Variants in KNL1 observed in about 807,000 individuals in gnomAD.
The protein encoded by KNL1 is kinetochore scaffold 1.
A neutral mutation model predicts 201.3 loss-of-function variants in KNL1; 66 were observed. The observed-to-expected ratio is 0.33, with a 90% CI of 0.27 to 0.40. The LOEUF (loss-of-function observed/expected upper bound fraction) is 0.40. Ranked by LOEUF, KNL1 falls within the 10% of genes least tolerant of loss-of-function variation. The pLI is 1.00. For synonymous variants in KNL1, 895 were observed against 899.2 expected (o/e 1.00, Z 0.08); for missense variants, 2,815 against 2,690.5 (o/e 1.05, Z -1.02).
At position 40,644,587 on chromosome 15, in the gene KNL1, C is replaced by T. The variant is rs548826216; in HGVS notation, c.5799-410C>T. 1.9e-3 allele frequency among the ~76,000 whole-genome samples: 297 copies of T among 152,328 alleles called. 3 individuals are homozygous for T. The highest frequency in any genetic ancestry group is 6.8e-4 in the Non-Finnish European group (46 of 68,024). ...CACGAGGCCATATTTCAGACTATCA[C>T]ATGGGGAGAAACCTTGGACAATACC... On this transcript the variant is annotated intron_variant, in intron 14 of 25. Transcript: ENST00000399668.
chr15:40,643,984 G>A lies in KNL1; in HGVS notation c.5799-1013G>A, dbSNP rs535978341. On this transcript the variant is annotated intron_variant, in intron 14 of 25. Transcript: ENST00000399668. ...GTGGCCTGCCCCTCCACACTTGTGG[G>A]TATTTCTAGTCGGATGGGACGAGAG... 6.0e-4 allele frequency among the ~76,000 whole-genome samples: 91 copies of A among 152,306 alleles called. 1 individual carries two copies. In the Middle Eastern group the frequency reaches 0.01, roughly 17 times the overall value.
intron 1 of KNL1, among the ~76,000 whole-genome samples, chr15:40,596,830 G>A (rs1015292776): frequency 1.3e-5 from 2 of 151,582 alleles, no homozygotes; most frequent in South Asian, 2.1e-4. Flanking sequence ...CAGAAACTGC[G>A]TCTCTACTAA....
Position 40,625,549 on chromosome 15 carries a change from G to T in KNL1, c.5285G>T (p.Arg1762Ile). The T allele has an allele frequency of 1.2e-6, 2 of 1,607,674 alleles. No individual in the cohort carries two copies. The highest frequency in any genetic ancestry group is 1.1e-5 in the South Asian group (1 of 89,844). ...GGAAAAACTTGCAATAGCCAAAAAA[G>T]AACGTGGGTACAAGAAGAAGAAGAT... ...KMGKTCNSQK[R>I]TWVQEEEDIH... The change falls in exon 10 of 26, where the codon AGA (arginine) becomes ATA (isoleucine). Residue 1762 changes from arginine (R) to isoleucine (I), a missense_variant. Coordinates refer to ENST00000399668, the MANE Select transcript of KNL1 (RefSeq NM_144508.5).
chr15:40,614,782 A>C (rs1021539545), intron 7 of KNL1, among the ~76,000 whole-genome samples: 1 of 152,212 alleles, frequency 6.6e-6, no homozygotes. Context: ...CTATTGATGG[A>C]CACTTGAGTG....
Position 40,647,518 on chromosome 15 carries a change from A to T in KNL1, c.6094+444A>T, listed in dbSNP as rs561853720. ...TAAATAAATAAATAAATTAGAGCAAATTAAAGTTCCTTTACTATAGTCATC... is the reference window on the plus strand; with the variant it reads ...TAAATAAATAAATAAATTAGAGCAATTTAAAGTTCCTTTACTATAGTCATC... On this transcript the variant is annotated intron_variant, in intron 17 of 25. Coordinates refer to ENST00000399668, the MANE Select transcript of KNL1 (RefSeq NM_144508.5). Among the ~76,000 whole-genome samples the T allele has an allele frequency of 7.9e-5, 12 of 152,182 alleles. No individual in the cohort carries two copies. The South Asian group carries it at 2.5e-3, about 32-fold the overall frequency.
intron 1 of KNL1, among the ~76,000 whole-genome samples, chr15:40,597,211 C>G (rs948868478): frequency 3.3e-5 from 5 of 152,132 alleles, no homozygotes; most frequent in African/African-American, 1.2e-4. Flanking sequence ...GCTGCAGCAC[C>G]CTTGGGTGCC....
rs1484118376 is a variant in KNL1 at position 40,650,386 on chromosome 15, A to G, written c.6172+8A>G. On this transcript the variant is annotated splice_region_variant and intron_variant, in intron 18 of 25. Coordinates refer to ENST00000399668, the MANE Select transcript of KNL1 (RefSeq NM_144508.5). ...TGAGAGCTGCAGAAAAAGGTAATTG[A>G]ATTAGTTAAGGAGATAAATGGGTGT... 1 of 1,607,638 alleles carries G rather than the reference A, an allele frequency of 6.2e-7. No homozygotes were observed. The highest frequency in any genetic ancestry group is 1.3e-5 in the African/African-American group (1 of 74,912).
chr15:40,652,053 C>T lies in KNL1; in HGVS notation c.6363C>T (p.Phe2121=), dbSNP rs1337952854. 2 of 1,613,828 alleles carry T rather than the reference C, an allele frequency of 1.2e-6. No homozygotes were observed. Among genetic ancestry groups the T allele is most frequent in the Admixed American group, 3.3e-5 (2 of 60,004 alleles). Residue 2121 remains phenylalanine, a synonymous_variant, in exon 21 of 26, where the codon TTC becomes TTT. Transcript: ENST00000399668. The stretch of plus-strand genomic sequence containing the variant: ...AGTGGAGTGATGATCAAGCTGTATT[C>T]ACCTTTGTTTATGACACGATACAAC... ...VVEWSDDQAV[F]TFVYDTIQLT...
intron 17 of KNL1, 176 bp from the exon 18 acceptor site, chr15:40,650,125 G>GAAA: frequency 6.8e-5 from 26 of 383,638 alleles, no homozygotes; most frequent in Middle Eastern, 7.4e-4. Context: ...CTCTTTCACA[G>GAAA]AAAAAAAAAA....
intron 19 of KNL1, among the ~76,000 whole-genome samples, chr15:40,651,046 T>C (rs1893541341): frequency 6.6e-6 from 1 of 151,208 alleles, no homozygotes; most frequent in South Asian, 2.1e-4. Context: ...TCTGTTTAGC[T>C]CTAACAACTA....
At chr15:40,620,134 C>T (rs1022003427) in intron 9 of KNL1, among the ~76,000 whole-genome samples, 1 of 152,156 alleles carries the variant, frequency 6.6e-6, no homozygotes, top group Non-Finnish European at 1.5e-5. Context: ...CTTTGTTACT[C>T]CTGGCTTCAG....
chr15:40,611,113 T>C (rs891966578), intron 6 of KNL1, among the ~76,000 whole-genome samples: 3 of 151,960 alleles, frequency 2.0e-5, no homozygotes, highest in Non-Finnish European at 4.4e-5. Context: ...ATTGTATTTT[T>C]TTTTTTTTTG....
Position 40,645,010 on chromosome 15 carries a change from G to A in KNL1, c.5812G>A (p.Ala1938Thr), listed in dbSNP as rs766288500. ...RQKIEELKLS[A>T]SNQDKLLVDI... Reference sequence around the variant, plus strand: ...TCCGTATTTTAGATTAAAGCTTTCTGCATCGAACCAAGATAAGCTGTTGGT... The same window carrying A: ...TCCGTATTTTAGATTAAAGCTTTCTACATCGAACCAAGATAAGCTGTTGGT... Residue 1938 changes from alanine to threonine, a missense_variant, in exon 15 of 26, where the codon GCA becomes ACA. By Grantham distance (58) the Ala-to-Thr change is moderately conservative (BLOSUM62 0). This residue lies in a region of KNL1 where 2,464 missense variants were observed against 2,291.7 expected (regional missense o/e 1.08). Transcript: ENST00000399668. 1 of 1,610,182 alleles carries A rather than the reference G, an allele frequency of 6.2e-7. No individual in the cohort carries two copies. The highest frequency in any genetic ancestry group is 8.5e-7 in the Non-Finnish European group (1 of 1,177,578).
rs567579284 is a variant in KNL1, at chr15:40,607,884, A to T, written c.136-963A>T. ...TGGTACAGCTGCTATGGAAAACAGT[A>T]TGGCAATTCCTCAAAAAATTGAAAA... On this transcript the variant is annotated intron_variant, in intron 4 of 25. Coordinates refer to ENST00000399668, the MANE Select transcript of KNL1 (RefSeq NM_144508.5). Among the ~76,000 whole-genome samples, 3 of 152,158 alleles carry T rather than the reference A, an allele frequency of 2.0e-5. No homozygotes were observed. In the East Asian group the frequency reaches 5.8e-4, roughly 29 times the overall value.
In KNL1 at chr15:40,622,423, A is replaced by C; in HGVS notation, c.2159A>C (p.His720Pro). The C allele has an allele frequency of 6.2e-7, 1 of 1,613,822 alleles. No individual in the cohort carries two copies. ...MKNHDTAISS[H>P]TVKSVLGQNS... ...AATCATGATACTGCTATAAGTAGTC[A>C]TACAGTGAAATCTGTACTAGGCCAG... Residue 720 changes from histidine to proline, a missense_variant, in exon 10 of 26, where the codon CAT becomes CCT. Physicochemically the swap from His to Pro is moderately conservative, Grantham distance 77. Transcript: ENST00000399668.
intron 6 of KNL1, chr15:40,610,905 A>G (rs929769170): frequency 2.2e-6 from 1 of 445,286 alleles, no homozygotes; most frequent in Non-Finnish European, 4.5e-6. Flanking sequence ...ATGCACCACC[A>G]CACCCAGCTA....
At chr15:40,602,890 T>C in intron 1 of KNL1, 25 bp from the exon 2 acceptor site, 1 of 1,303,100 alleles carries the variant, frequency 7.7e-7, no homozygotes, top group Non-Finnish European at 1.1e-6. Context: ...TCCTCATGTT[T>C]TCTAATATTG....
intron 21 of KNL1, among the ~76,000 whole-genome samples, chr15:40,653,623 T>C (rs925229203): frequency 1.3e-5 from 2 of 152,208 alleles, no homozygotes; most frequent in Non-Finnish European, 2.9e-5. Context: ...CCTGAAGCTA[T>C]AGTGATTACT....
chr15:40,643,905 T>C (rs1893307934), intron 14 of KNL1, among the ~76,000 whole-genome samples: 1 of 152,220 alleles, frequency 6.6e-6, no homozygotes, highest in African/African-American at 2.4e-5. Context: ...TAAACATGAT[T>C]GTAGACCTGA....
Sources: gnomAD v4.1 joint callset for allele counts (sites outside exome capture counted in the v4.1 genomes callset) on GRCh38, gnomAD v4.1.1 for gene constraint, gnomAD v4.1.1 regional missense constraint, MANE v1.5 for transcripts, NCBI Gene and HGNC (gene_info 2026-07-23, HGNC 2026-07-21) for gene names.